The following PDE4B variants were observed in gnomAD, a reference collection of about 807,000 sequenced individuals.
The protein encoded by PDE4B is 3',5'-cyclic-AMP phosphodiesterase 4B.
A neutral mutation model predicts 82.2 loss-of-function variants in PDE4B; 20 were observed. The observed-to-expected ratio is 0.24, with a 90% CI of 0.17 to 0.35. PDE4B has a LOEUF of 0.35. Among genes scored for constraint, PDE4B ranks in the 10% least tolerant of loss-of-function variants. PDE4B has a pLI of 1.00. For synonymous variants in PDE4B, 320 were observed against 318.9 expected (o/e 1.00, Z -0.04); for missense variants, 655 against 907.2 (o/e 0.72, Z 3.57).
At chr1:66,295,998 G>T (rs1657484157) in intron 7 of PDE4B, among the ~76,000 whole-genome samples, 1 of 152,052 alleles carries the variant, frequency 6.6e-6, no homozygotes, top group Non-Finnish European at 1.5e-5. Flanking sequence ...CAGTGCACTT[G>T]AGTACTTTCC....
chr1:66,051,643 A>T, intron 3 of PDE4B, among the ~76,000 whole-genome samples: 1 of 152,134 alleles, frequency 6.6e-6, no homozygotes, highest in Non-Finnish European at 1.5e-5. Context: ...GAATGAATAG[A>T]TGCTATTAAA....
intron 1 of PDE4B, among the ~76,000 whole-genome samples, chr1:65,822,999 A>T (rs1645971497): frequency 6.6e-6 from 1 of 152,168 alleles, no homozygotes; most frequent in Non-Finnish European, 1.5e-5. Flanking sequence ...CATTTTCCTG[A>T]TAATTAATGA....
At chr1:66,248,799 A>T (rs573605720) in intron 4 of PDE4B, among the ~76,000 whole-genome samples, 52 of 152,322 alleles carry the variant, frequency 3.4e-4, no homozygotes, top group African/African-American at 1.2e-3. Context: ...ACACATACAA[A>T]CATAACAGAG....
intron 3 of PDE4B, among the ~76,000 whole-genome samples, chr1:66,002,911 A>G (rs1047214495): frequency 4.6e-5 from 7 of 152,124 alleles, no homozygotes; most frequent in African/African-American, 1.7e-4. Context: ...TGAGTTACCT[A>G]TTTCTTGAGA....
chr1:66,351,077 C>G (rs1366041874), intron 8 of PDE4B, among the ~76,000 whole-genome samples: 1 of 152,126 alleles, frequency 6.6e-6, no homozygotes, highest in Non-Finnish European at 1.5e-5. Context: ...AAAATAGAAG[C>G]AATTTCTAGC....
At chr1:65,975,201 C>T (rs1179202202) in intron 3 of PDE4B, among the ~76,000 whole-genome samples, 1 of 152,232 alleles carries the variant, frequency 6.6e-6, no homozygotes, top group Non-Finnish European at 1.5e-5. Context: ...AAAGTTGACT[C>T]TTGCTATGTT....
chr1:65,924,137 G>C (rs1437833506), intron 3 of PDE4B, among the ~76,000 whole-genome samples: 3 of 105,456 alleles, frequency 2.8e-5, no homozygotes, highest in Admixed American at 1.3e-4. Context: ...TGCAGTGGCG[G>C]GATCTCGGCT....
At chr1:66,364,308 G>A (rs1557730751) in intron 12 of PDE4B, among the ~76,000 whole-genome samples, 1 of 152,096 alleles carries the variant, frequency 6.6e-6, no homozygotes, top group Non-Finnish European at 1.5e-5. Flanking sequence ...TAAAAATCTA[G>A]AACAGAAGAA....
At chr1:66,113,001 T>G (rs1368763758) in intron 3 of PDE4B, among the ~76,000 whole-genome samples, 1 of 152,258 alleles carries the variant, frequency 6.6e-6, no homozygotes, top group Non-Finnish European at 1.5e-5. Context: ...TGACCAAGTT[T>G]CTTTTTGGTT....
intron 3 of PDE4B, among the ~76,000 whole-genome samples, chr1:66,233,701 T>C (rs1652173327): frequency 1.3e-5 from 2 of 152,146 alleles, no homozygotes; most frequent in Admixed American, 1.3e-4. Context: ...TATATGTGTG[T>C]GTGTGTGTGT....
chr1:65,833,720 G>C (rs1180558925), intron 1 of PDE4B, among the ~76,000 whole-genome samples: 1 of 151,992 alleles, frequency 6.6e-6, no homozygotes, highest in African/African-American at 2.4e-5. Context: ...ATTATCACTT[G>C]TTTATGTTAT....
intron 1 of PDE4B, among the ~76,000 whole-genome samples, chr1:65,835,205 A>G (rs1296549822): frequency 2.6e-5 from 4 of 152,170 alleles, no homozygotes; most frequent in Admixed American, 1.3e-4. Context: ...TTTTTCTGGT[A>G]TGCCTGCTTT....
intron 1 of PDE4B, among the ~76,000 whole-genome samples, chr1:65,847,632 C>T (rs936009791): frequency 6.6e-6 from 1 of 152,194 alleles, no homozygotes; most frequent in Non-Finnish European, 1.5e-5. Flanking sequence ...TTCTCAGCAG[C>T]CTGTGAGTGG....
At chr1:66,193,576 G>A (rs1277754161) in intron 3 of PDE4B, among the ~76,000 whole-genome samples, 1 of 152,092 alleles carries the variant, frequency 6.6e-6, no homozygotes, top group East Asian at 1.9e-4. Flanking sequence ...TCTCCCCTGG[G>A]TTCTCCGTGG....
chr1:66,029,151 G>T (rs756846473), intron 3 of PDE4B, among the ~76,000 whole-genome samples: 3 of 152,194 alleles, frequency 2.0e-5, no homozygotes, highest in Non-Finnish European at 4.4e-5. Context: ...AATCATGGTG[G>T]GAGGTGAAAG....
intron 3 of PDE4B, among the ~76,000 whole-genome samples, chr1:66,009,734 T>A (rs887009432): frequency 6.6e-6 from 1 of 152,128 alleles, no homozygotes; most frequent in Admixed American, 6.6e-5. Flanking sequence ...CTTGAATTCA[T>A]CTAATTGGAG....
intron 1 of PDE4B, among the ~76,000 whole-genome samples, chr1:65,833,638 T>C (rs1426941924): frequency 1.3e-5 from 2 of 152,232 alleles, no homozygotes; most frequent in Non-Finnish European, 2.9e-5. Flanking sequence ...TTTTGATTCT[T>C]AGGCCTCTTC....
At chr1:66,292,651 C>A (rs1434887451) in intron 7 of PDE4B, among the ~76,000 whole-genome samples, 1 of 152,120 alleles carries the variant, frequency 6.6e-6, no homozygotes, top group Admixed American at 6.5e-5. Context: ...AACAGGTATT[C>A]CATGATTTTG....
intron 3 of PDE4B, among the ~76,000 whole-genome samples, chr1:66,175,598 G>A (rs1455635390): frequency 6.6e-6 from 1 of 152,036 alleles, no homozygotes; most frequent in Non-Finnish European, 1.5e-5. Context: ...TTTAAAAAAA[G>A]TATTCTTTTT....
Sources: allele counts gnomAD v4.1 joint callset (sites outside exome capture counted in the v4.1 genomes callset), GRCh38; gene constraint gnomAD v4.1.1; transcripts MANE v1.5; gene names NCBI Gene and HGNC (gene_info 2026-07-23, HGNC 2026-07-21).